The following CUX2 variants were observed in gnomAD, a reference collection of about 807,000 sequenced individuals.
The protein encoded by CUX2 is homeobox protein cut-like 2.
CUX2 carries 40 observed loss-of-function variants against 144.8 expected under a neutral mutation model. The observed-to-expected ratio is 0.28, with a 90% CI of 0.21 to 0.36. CUX2 has a LOEUF of 0.36. Among genes scored for constraint, CUX2 ranks in the 10% least tolerant of loss-of-function variants. CUX2 has a pLI of 1.00. For missense variants in CUX2, 1,615 were observed against 1,994.0 expected (o/e 0.81, Z 3.62); for synonymous variants, 827 against 875.6 (o/e 0.94, Z 0.98).
chr12:111,229,730 A>G (rs895623066), intron 3 of CUX2, among the ~76,000 whole-genome samples: 6 of 152,122 alleles, frequency 3.9e-5, no homozygotes, highest in Non-Finnish European at 7.4e-5. Context: ...CAAAAAAAAA[A>G]GTTTTTTTGG....
chr12:111,070,048 G>A (rs1019465039), intron 1 of CUX2, among the ~76,000 whole-genome samples: 1 of 152,154 alleles, frequency 6.6e-6, no homozygotes, highest in Non-Finnish European at 1.5e-5. Context: ...GCTCCTGGCC[G>A]CAGAGCTTGG....
chr12:111,282,991 T>C (rs1885194981), intron 4 of CUX2, among the ~76,000 whole-genome samples: 1 of 151,866 alleles, frequency 6.6e-6, no homozygotes, highest in South Asian at 2.1e-4. Context: ...GACAGGCGGA[T>C]CACTTGAGGT....
rs1871123357 is a variant in CUX2 at position 111,068,718 on chromosome 12, G to A, written c.63+34478G>A. On this transcript the variant is annotated intron_variant, in intron 1 of 21. Coordinates refer to ENST00000261726, the MANE Select transcript of CUX2 (RefSeq NM_015267.4). This position sits in a 1 kb window ranked among gnomAD's most constrained non-coding sequence, Gnocchi z 4.9. ...TCCCTGATTCGTGTGCCCATGTCAGGGGCTGTTTGCACCCTGAGAGGAGAG... is the reference window on the plus strand; with the variant it reads ...TCCCTGATTCGTGTGCCCATGTCAGAGGCTGTTTGCACCCTGAGAGGAGAG... Among the ~76,000 whole-genome samples the A allele has an allele frequency of 6.6e-6, 1 of 152,200 alleles. No homozygotes were observed. Among genetic ancestry groups the A allele is most frequent in the Non-Finnish European group, 1.5e-5 (1 of 68,036 alleles).
intron 1 of CUX2, among the ~76,000 whole-genome samples, chr12:111,153,390 C>G (rs1232021793): frequency 2.6e-5 from 4 of 152,146 alleles, no homozygotes; most frequent in Non-Finnish European, 5.9e-5. Context: ...AGTTTCATTG[C>G]TGTTGAACAT....
At chr12:111,133,868 A>G (rs1875670305) in intron 1 of CUX2, among the ~76,000 whole-genome samples, 1 of 152,152 alleles carries the variant, frequency 6.6e-6, no homozygotes. Flanking sequence ...TTCCACTGGC[A>G]AGGAAGACTC....
rs374607193 is a variant in CUX2, at chr12:111,310,799, G to A, written c.1900+117G>A. On this transcript the variant is annotated intron_variant, in intron 15 of 21. Coordinates refer to ENST00000261726, the MANE Select transcript of CUX2 (RefSeq NM_015267.4). The surrounding 1 kb of genome is among the most constrained non-coding windows in gnomAD (Gnocchi z 7.9). ...AGCCCAGCTCTACCACCACCTGGCTGTGTGACCCAGGGCCAGTGGCTTTGC... is the reference window on the plus strand; with the variant it reads ...AGCCCAGCTCTACCACCACCTGGCTATGTGACCCAGGGCCAGTGGCTTTGC... 3.3e-6 allele frequency: 4 copies of A among 1,216,150 alleles called. No homozygotes were observed. Among genetic ancestry groups the A allele is most frequent in the South Asian group, 1.6e-5 (1 of 63,526 alleles). The allele number at this position is 1,216,150 out of a possible 1,614,324, so 75.3% of individuals were successfully genotyped here. A position where few individuals can be genotyped will look rare whatever the true frequency, so the allele number is the denominator to read the frequency against.
At chr12:111,087,894 A>G (rs979443973) in intron 1 of CUX2, among the ~76,000 whole-genome samples, 1 of 152,224 alleles carries the variant, frequency 6.6e-6, no homozygotes, top group African/African-American at 2.4e-5. Flanking sequence ...AAAAGTGGGA[A>G]CACCCCAGAT....
chr12:111,281,214 C>T (rs1249817310), intron 4 of CUX2, among the ~76,000 whole-genome samples: 1 of 152,196 alleles, frequency 6.6e-6, no homozygotes, highest in South Asian at 2.1e-4. Context: ...CCTGTCCCCC[C>T]CATCTCCCCC....
At position 111,312,167 on chromosome 12, in the gene CUX2, G is replaced by C. The variant is rs764841540; in HGVS notation, c.1968G>C (p.Glu656Asp). ...GSDDAIKSIL[E>D]QAKKEIESQK... ...ACGACGCCATCAAGAGCATTCTAGA[G>C]CAGGCCAAGAAGGAGATCGAGTCGC... Residue 656 changes from glutamate to aspartate, a missense_variant, in exon 16 of 22, where the codon GAG (glutamate) becomes GAC (aspartate). Glu to Asp is a conservative substitution (Grantham distance 45). This residue lies in a region of CUX2 where 390 missense variants were observed against 387.1 expected (regional missense o/e 1.01). Transcript: ENST00000261726. The surrounding 1 kb of genome is among the most constrained non-coding windows in gnomAD (Gnocchi z 4.3). 1.2e-6 allele frequency: 2 copies of C among 1,611,996 alleles called. No homozygotes were observed. The highest frequency in any genetic ancestry group is 1.1e-5 in the South Asian group (1 of 90,828).
chr12:111,132,522 G>A (rs944077972), intron 1 of CUX2, among the ~76,000 whole-genome samples: 4 of 149,854 alleles, frequency 2.7e-5, no homozygotes, highest in Admixed American at 2.0e-4. Context: ...TGCATCATCA[G>A]GCTGCAAATT....
intron 4 of CUX2, among the ~76,000 whole-genome samples, chr12:111,265,310 TTTTATTTTA>T (rs1884329213): frequency 1.8e-5 from 1 of 54,522 alleles, no homozygotes. Flanking sequence ...TTTATTTTAT[TTTTATTTTA>T]TTTTATTTTA....
At chr12:111,091,031 T>G (rs1872525126) in intron 1 of CUX2, among the ~76,000 whole-genome samples, 1 of 152,022 alleles carries the variant, frequency 6.6e-6, no homozygotes, top group Admixed American at 6.5e-5. Flanking sequence ...TCTGACAGAG[T>G]GAGTCTGTGC....
chr12:111,314,639 T>TA (rs954472479), intron 16 of CUX2, among the ~76,000 whole-genome samples: 1,080 of 23,110 alleles, frequency 0.047, 23 homozygotes, highest in African/African-American at 0.06. Context: ...AAACTCAGTC[T>TA]AAAAAAAAAA....
chr12:111,141,735 G>C (rs1206441850), intron 1 of CUX2, among the ~76,000 whole-genome samples: 1 of 152,182 alleles, frequency 6.6e-6, no homozygotes, highest in Non-Finnish European at 1.5e-5. Context: ...TCCATGCATG[G>C]TACCTAATAG....
At chr12:111,316,633 A>T (rs956889958) in intron 16 of CUX2, among the ~76,000 whole-genome samples, 1 of 151,752 alleles carries the variant, frequency 6.6e-6, no homozygotes, top group African/African-American at 2.4e-5. Context: ...TATTTTTAGT[A>T]GAGACGGGGT....
At chr12:111,285,201 T>C (rs1004972478) in intron 4 of CUX2, among the ~76,000 whole-genome samples, 1 of 152,156 alleles carries the variant, frequency 6.6e-6, no homozygotes, top group South Asian at 2.1e-4. Flanking sequence ...TTTAGTGTCA[T>C]GCAGCAGAAG....
At chr12:111,330,086 C>T (rs913672446) in intron 18 of CUX2, among the ~76,000 whole-genome samples, 1 of 152,196 alleles carries the variant, frequency 6.6e-6, no homozygotes, top group Non-Finnish European at 1.5e-5. Flanking sequence ...AACATGCCCA[C>T]GTCAGCCTTG....
At chr12:111,333,811 C>T (rs964533668) in intron 18 of CUX2, among the ~76,000 whole-genome samples, 2 of 151,782 alleles carry the variant, frequency 1.3e-5, no homozygotes, top group Non-Finnish European at 2.9e-5. Context: ...GAGCCGAGAT[C>T]GCACCACTGC....
intron 1 of CUX2, among the ~76,000 whole-genome samples, chr12:111,152,774 A>G (rs1245398902): frequency 6.6e-6 from 1 of 152,144 alleles, no homozygotes; most frequent in Non-Finnish European, 1.5e-5. Context: ...GGAGCCTTGG[A>G]TGTGCGTGGG....
Sources: allele counts gnomAD v4.1 joint callset (sites outside exome capture counted in the v4.1 genomes callset), GRCh38; gene constraint gnomAD v4.1.1; regional missense constraint gnomAD v4.1.1; non-coding constraint Gnocchi (gnomAD v3.1); transcripts MANE v1.5; gene names NCBI Gene and HGNC (gene_info 2026-07-23, HGNC 2026-07-21).